Variants in JAKMIP2 observed in about 807,000 individuals in gnomAD.
JAKMIP2 encodes janus kinase and microtubule-interacting protein 2.
In JAKMIP2, 25 loss-of-function variants were observed where a neutral mutation model predicts 115.0. The observed-to-expected ratio is 0.22, with a 90% CI of 0.16 to 0.30. The LOEUF is 0.30. JAKMIP2 is among the 10% of genes least tolerant of loss of function. The probability of loss-of-function intolerance (pLI) is 1.00; values close to 1 mark genes in which losing one functional copy is unlikely to be tolerated. For missense variants in JAKMIP2, 642 were observed against 957.6 expected, an observed-to-expected ratio of 0.67 and a Z score of 4.35; for synonymous variants, 334 against 343.6, an observed-to-expected ratio of 0.97 and a Z score of 0.31.
intron 2 of JAKMIP2, among the ~76,000 whole-genome samples, chr5:147,669,922 G>T (rs78670431): frequency 0.016 from 2,380 of 152,260 alleles, 73 homozygotes; most frequent in African/African-American, 0.054. Flanking sequence ...AGGTCCCCCA[G>T]GTTATACCAT....
At chr5:147,650,762 T>G (rs1275459496) in intron 3 of JAKMIP2, among the ~76,000 whole-genome samples, 2 of 152,144 alleles carry the variant, frequency 1.3e-5, no homozygotes, top group African/African-American at 4.8e-5. Flanking sequence ...ATTTTTTTTC[T>G]CTCTAGTATA....
intron 2 of JAKMIP2, among the ~76,000 whole-genome samples, chr5:147,665,455 G>A (rs1019462080): frequency 6.6e-6 from 1 of 152,166 alleles, no homozygotes; most frequent in Non-Finnish European, 1.5e-5. Context: ...TAGGAATTTA[G>A]TCATCTTCAA....
intron 1 of JAKMIP2, among the ~76,000 whole-genome samples, chr5:147,754,825 C>G (rs1378823771): frequency 6.6e-6 from 1 of 152,110 alleles, no homozygotes; most frequent in African/African-American, 2.4e-5. Context: ...ACTTGAAAGC[C>G]TGGGCTTTTA....
chr5:147,646,780 GA>G (rs1397312728), intron 5 of JAKMIP2, among the ~76,000 whole-genome samples: 4 of 140,772 alleles, frequency 2.8e-5, no homozygotes, highest in Non-Finnish European at 4.7e-5. Flanking sequence ...ATTACCAGAG[GA>G]AAAAAAAAGC....
At chr5:147,625,270 T>C (rs1757044759) in intron 16 of JAKMIP2, among the ~76,000 whole-genome samples, 2 of 152,168 alleles carry the variant, frequency 1.3e-5, no homozygotes, top group Non-Finnish European at 1.5e-5. Context: ...CGTGAGCCAC[T>C]GCGCCCAGCC....
At chr5:147,662,803 G>A (rs1759087575) in intron 2 of JAKMIP2, among the ~76,000 whole-genome samples, 3 of 152,212 alleles carry the variant, frequency 2.0e-5, no homozygotes, top group South Asian at 4.2e-4. Context: ...TGGCCAACAT[G>A]GTGAAACCCC....
At chr5:147,750,811 A>C (rs78358290) in intron 1 of JAKMIP2, among the ~76,000 whole-genome samples, 16,943 of 152,132 alleles carry the variant, frequency 0.11, 1,166 homozygotes, top group Middle Eastern at 0.19. Flanking sequence ...AACACCAGAG[A>C]TCTCTCTCCT....
chr5:147,634,014 A>G (rs1345657187), intron 12 of JAKMIP2, among the ~76,000 whole-genome samples: 2 of 152,198 alleles, frequency 1.3e-5, no homozygotes, highest in Non-Finnish European at 2.9e-5. Flanking sequence ...TTAAGGGATC[A>G]GAAAATCTTT....
intron 1 of JAKMIP2, among the ~76,000 whole-genome samples, chr5:147,764,950 G>C (rs796473043): frequency 1.4e-5 from 1 of 70,702 alleles, no homozygotes. Context: ...GAGAGAGGGA[G>C]AGAGAGAGAG....
intron 1 of JAKMIP2, among the ~76,000 whole-genome samples, chr5:147,680,966 C>T (rs1160989438): frequency 6.6e-6 from 1 of 152,100 alleles, no homozygotes; most frequent in African/African-American, 2.4e-5. Flanking sequence ...TGTAAATTTC[C>T]AGGTTTGTAT....
intron 1 of JAKMIP2, among the ~76,000 whole-genome samples, chr5:147,703,647 G>A (rs1346182205): frequency 1.4e-5 from 2 of 143,358 alleles, no homozygotes; most frequent in African/African-American, 2.6e-5. Context: ...GGCTGGTCTC[G>A]TGCTCCTGAA....
At chr5:147,633,861 TG>T (rs1392455121) in intron 12 of JAKMIP2, among the ~76,000 whole-genome samples, 3 of 152,128 alleles carry the variant, frequency 2.0e-5, no homozygotes, top group African/African-American at 7.2e-5. Context: ...GGCTAATTTT[TG>T]TATTTTTAGT....
At chr5:147,670,524 G>C (rs774009730) in intron 2 of JAKMIP2, among the ~76,000 whole-genome samples, 7 of 152,156 alleles carry the variant, frequency 4.6e-5, no homozygotes, top group Non-Finnish European at 8.8e-5. Context: ...TGAGATGTGT[G>C]TTTGCTTGTG....
chr5:147,628,996 A>T (rs1052606851), intron 15 of JAKMIP2, among the ~76,000 whole-genome samples, 180 bp from the exon 16 acceptor site: 19 of 152,216 alleles, frequency 1.2e-4, no homozygotes, highest in Non-Finnish European at 2.5e-4. Flanking sequence ...GAAGAAGTAT[A>T]TTAAACGTGA....
intron 1 of JAKMIP2, among the ~76,000 whole-genome samples, chr5:147,757,291 G>A (rs1754780770): frequency 6.6e-6 from 1 of 152,090 alleles, no homozygotes; most frequent in Admixed American, 6.6e-5. Context: ...AAGGGCGAGG[G>A]AGAACCCTTC....
chr5:147,768,643 A>G (rs1226768546), intron 1 of JAKMIP2, among the ~76,000 whole-genome samples: 1 of 152,154 alleles, frequency 6.6e-6, no homozygotes, highest in Non-Finnish European at 1.5e-5. Context: ...GTATTAAAAT[A>G]TACTATCTAA....
chr5:147,675,516 C>T (rs1441229249), intron 1 of JAKMIP2, among the ~76,000 whole-genome samples: 2 of 151,780 alleles, frequency 1.3e-5, no homozygotes, highest in African/African-American at 2.4e-5. Context: ...ATATAAGTCA[C>T]ATACCGTAAC....
intron 1 of JAKMIP2, among the ~76,000 whole-genome samples, chr5:147,747,509 G>A (rs1754391035): frequency 6.6e-6 from 1 of 152,124 alleles, no homozygotes; most frequent in African/African-American, 2.4e-5. Flanking sequence ...ATCTGATGCA[G>A]TCTCAGGGCC....
At chr5:147,628,629 A>G in intron 16 of JAKMIP2, 122 bp downstream of exon 16, 1 of 619,774 alleles carries the variant, frequency 1.6e-6, no homozygotes, top group South Asian at 2.9e-5. Context: ...CTTAAAAATA[A>G]AATGTGTATT....
Sources: gnomAD v4.1 joint callset for allele counts (sites outside exome capture counted in the v4.1 genomes callset) on GRCh38, gnomAD v4.1.1 for gene constraint, MANE v1.5 for transcripts, NCBI Gene and HGNC (gene_info 2026-07-23, HGNC 2026-07-21) for gene names.